The following CDC42 variants were observed in gnomAD, a reference collection of about 807,000 sequenced individuals.
The protein encoded by CDC42 is cell division cycle 42, also known as cell division control protein 42 homolog.
Under a neutral mutation model 20.8 loss-of-function variants are expected in CDC42, and 1 was observed. The observed-to-expected ratio is 0.05, with a 90% confidence interval of 0.02 to 0.23. The LOEUF (loss-of-function observed/expected upper bound fraction) is 0.23. Among genes scored for constraint, CDC42 ranks in the 10% least tolerant of loss-of-function variants. The pLI is 1.00. For missense variants in CDC42, 49 were observed against 227.9 expected, an observed-to-expected ratio of 0.21 and a Z score of 5.05; for synonymous variants, 72 against 84.8, an observed-to-expected ratio of 0.85 and a Z score of 0.83.
intron 1 of CDC42, among the ~76,000 whole-genome samples, chr1:22,062,319 T>C (rs1645375008): frequency 6.6e-6 from 1 of 152,200 alleles, no homozygotes; most frequent in South Asian, 2.1e-4. Context: ...CCTCATCAGC[T>C]AGAACAAAGA....
chr1:22,083,081 A>G (rs1008288534), intron 3 of CDC42, among the ~76,000 whole-genome samples: 2 of 151,716 alleles, frequency 1.3e-5, no homozygotes, highest in South Asian at 4.2e-4. Context: ...GGGTTTCTCC[A>G]TGTTGGTCAG....
intron 1 of CDC42, among the ~76,000 whole-genome samples, chr1:22,076,087 A>C (rs1262992536): frequency 5.9e-5 from 9 of 152,130 alleles, no homozygotes. Flanking sequence ...TATACTTGTC[A>C]TTCCACTAGC....
intron 1 of CDC42, among the ~76,000 whole-genome samples, chr1:22,057,885 G>A (rs544031799): frequency 7.1e-4 from 108 of 151,466 alleles, no homozygotes; most frequent in African/African-American, 2.6e-3. Flanking sequence ...CACCACACCC[G>A]GGTAATTTTC....
At chr1:22,069,097 G>A (rs1363521640) in intron 1 of CDC42, among the ~76,000 whole-genome samples, 1 of 150,546 alleles carries the variant, frequency 6.6e-6, no homozygotes, top group Non-Finnish European at 1.5e-5. Context: ...GAATGAATGA[G>A]TAGATGAATG....
At chr1:22,060,582 T>A (rs942256173) in intron 1 of CDC42, among the ~76,000 whole-genome samples, 1 of 152,178 alleles carries the variant, frequency 6.6e-6, no homozygotes, top group East Asian at 1.9e-4. Context: ...TAGGAGTATT[T>A]GTAATATTTT....
At chr1:22,078,212 C>T (rs1221166299) in intron 1 of CDC42, among the ~76,000 whole-genome samples, 1 of 152,142 alleles carries the variant, frequency 6.6e-6, no homozygotes, top group Non-Finnish European at 1.5e-5. Flanking sequence ...AAAAATAACA[C>T]TTAAGAAGTT....
At chr1:22,071,825 G>A (rs1467498373) in intron 1 of CDC42, among the ~76,000 whole-genome samples, 1 of 152,138 alleles carries the variant, frequency 6.6e-6, no homozygotes, top group African/African-American at 2.4e-5. Flanking sequence ...TTTACTTTTA[G>A]TGTGTTTTGG....
chr1:22,067,894 G>A (rs893240596), intron 1 of CDC42, among the ~76,000 whole-genome samples: 4 of 152,120 alleles, frequency 2.6e-5, no homozygotes, highest in Non-Finnish European at 5.9e-5. Context: ...GACTAGTTAG[G>A]AAAGGTCTCA....
rs747002932 is a variant in CDC42 at position 22,094,294 on chromosome 1, A to ATTTTTTTTTTT, written c.*2788_*2798dup. Among the ~76,000 whole-genome samples the ATTTTTTTTTTT allele has an allele frequency of 0.1, 3,892 of 38,176 alleles. 1,460 individuals are homozygous for ATTTTTTTTTTT. The highest frequency in any genetic ancestry group is 0.11 in the African/African-American group (893 of 8,168). The allele number at this position is 38,176 out of a possible 152,430, so 25.0% of individuals were successfully genotyped here. A position where few individuals can be genotyped will look rare whatever the true frequency, so the allele number is the denominator to read the frequency against. ...GTTTTACTGAACATCCTAGAAATAG[A>ATTTTTTTTTTT]TTTTTTTTTTTTTTTTTTTTTGAGA... is the stretch of plus-strand genomic sequence containing the variant. On this transcript the variant is annotated 3_prime_UTR_variant, in exon 6 of 6. Transcript: ENST00000656825.
intron 5 of CDC42, among the ~76,000 whole-genome samples, chr1:22,087,671 T>G (rs1645674593): frequency 6.6e-6 from 1 of 152,214 alleles, no homozygotes; most frequent in African/African-American, 2.4e-5. Context: ...GCTTTGAAGT[T>G]TGAACACTGA....
intron 1 of CDC42, chr1:22,059,682 T>C (rs1464449614): frequency 6.6e-6 from 1 of 152,308 alleles, no homozygotes; most frequent in African/African-American, 2.4e-5. Flanking sequence ...TAGCTGGGAT[T>C]ACAGGCGCAC....
chr1:22,085,654 T>C (rs1252844077), intron 3 of CDC42, among the ~76,000 whole-genome samples: 1 of 152,232 alleles, frequency 6.6e-6, no homozygotes, highest in Non-Finnish European at 1.5e-5. Flanking sequence ...TAATTCTAAG[T>C]ATTTTTATTA....
chr1:22,090,653 A>G lies in CDC42; in HGVS notation c.487-775A>G, dbSNP rs10917149. 2,409 of 985,448 alleles carry G rather than the reference A, an allele frequency of 2.4e-3. 39 individuals carry two copies. In the African/African-American group the frequency reaches 0.039, roughly 16 times the overall value. 61.0% of individuals were successfully genotyped at this position (985,448 alleles called of 1,614,324 possible). A position where few individuals can be genotyped will look rare whatever the true frequency, so the allele number is the denominator to read the frequency against. ...TTTGTTACATTATCTTTTAAGAATA[A>G]CATCCATTTAAACAGTTGACTTACA... On this transcript the variant is annotated intron_variant, in intron 5 of 5. Transcript: ENST00000656825.
chr1:22,090,856 G>T, intron 5 of CDC42: 1 of 958,478 alleles, frequency 1.0e-6, no homozygotes, highest in Non-Finnish European at 1.2e-6. Flanking sequence ...CTAATTTTAC[G>T]TATGTATCAG....
At position 22,095,639 on chromosome 1, in the gene CDC42, T is replaced by C. The variant is rs535472299; in HGVS notation, c.*4122T>C. 3.3e-5 allele frequency among the ~76,000 whole-genome samples: 5 copies of C among 152,348 alleles called. No individual in the cohort carries two copies. The highest frequency in any genetic ancestry group is 1.3e-4 in the Admixed American group (2 of 15,302). On this transcript the variant is annotated 3_prime_UTR_variant, in exon 6 of 6. Coordinates refer to ENST00000656825, the MANE Select transcript of CDC42 (RefSeq NM_001791.4). The stretch of plus-strand genomic sequence containing the variant: ...CCTCCACCTTAAAAAAAATTCCTTA[T>C]TTTATTCACTTGCCAGAATAATGTT...
intron 5 of CDC42, among the ~76,000 whole-genome samples, chr1:22,088,584 C>T (rs1166991150): frequency 6.6e-6 from 1 of 152,122 alleles, no homozygotes; most frequent in African/African-American, 2.4e-5. Context: ...TCCTCTAAAA[C>T]TAAAGTCTTA....
chr1:22,078,886 C>CTTTT (rs34952712), intron 2 of CDC42: 23 of 1,001,036 alleles, frequency 2.3e-5, no homozygotes, highest in East Asian at 6.8e-5. Context: ...AATGAGGTGA[C>CTTTT]TTTTTTTTTT....
At chr1:22,076,836 G>C (rs1045823696) in intron 1 of CDC42, among the ~76,000 whole-genome samples, 3 of 152,064 alleles carry the variant, frequency 2.0e-5, no homozygotes, top group African/African-American at 7.2e-5. Context: ...ATAAAAGGAA[G>C]TTGAATAAAG....
intron 1 of CDC42, among the ~76,000 whole-genome samples, chr1:22,053,958 TTG>T (rs1645267248): frequency 1.3e-5 from 2 of 152,190 alleles, no homozygotes; most frequent in Non-Finnish European, 2.9e-5. Flanking sequence ...GTGGGTTTAT[TTG>T]TGGGAACACT....
Sources: allele counts gnomAD v4.1 joint callset (sites outside exome capture counted in the v4.1 genomes callset), GRCh38; gene constraint gnomAD v4.1.1; transcripts MANE v1.5; gene names NCBI Gene and HGNC (gene_info 2026-07-23, HGNC 2026-07-21).